TMEM91: variants seen among roughly 807,000 people sequenced by gnomAD.
The protein encoded by TMEM91 is transmembrane protein 91.
A neutral mutation model predicts 13.3 loss-of-function variants in TMEM91; 6 were observed. The observed-to-expected ratio is 0.45, with a 90% CI of 0.25 to 0.89. The LOEUF (loss-of-function observed/expected upper bound fraction) is 0.89. Ranked by LOEUF, TMEM91 falls within the 40% of genes least tolerant of loss-of-function variation. The pLI, the probability that TMEM91 is intolerant of heterozygous loss-of-function variation, is 0.19. For synonymous variants in TMEM91, 87 were observed against 101.7 expected (o/e 0.86, Z 0.87); for missense variants, 193 against 228.7 (o/e 0.84, Z 1.01).
intron 2 of TMEM91, among the ~76,000 whole-genome samples, chr19:41,380,685 C>T (rs1310562172): frequency 2.0e-5 from 3 of 151,626 alleles, no homozygotes; most frequent in African/African-American, 4.8e-5. Flanking sequence ...CTGAGACGGG[C>T]GGATCACGAG....
intron 1 of TMEM91, among the ~76,000 whole-genome samples, chr19:41,366,986 C>G (rs2038538002): frequency 6.6e-6 from 1 of 151,174 alleles, no homozygotes; most frequent in African/African-American, 2.4e-5. Context: ...CTAAAAAATA[C>G]CAAAACTAGA....
chr19:41,384,012 T>C lies in TMEM91; in HGVS notation c.*139T>C. 1.4e-6 allele frequency: 2 copies of C among 1,398,960 alleles called. No individual in the cohort carries two copies. Among genetic ancestry groups the C allele is most frequent in the Non-Finnish European group, 1.9e-6 (2 of 1,062,374 alleles). The allele number at this position is 1,398,960 out of a possible 1,614,324, so 86.7% of individuals were successfully genotyped here. A position where few individuals can be genotyped will look rare whatever the true frequency, so the allele number is the denominator to read the frequency against. ...ACGGGAGCGAGCTGGACTGGAACCC[T>C]TCCCCTTCCTGGCCACCGCTCTTCG... On this transcript the variant is annotated 3_prime_UTR_variant, in exon 4 of 4. Coordinates refer to ENST00000392002, the MANE Select transcript of TMEM91 (RefSeq NM_001098821.2).
At position 41,382,797 on chromosome 19, in the gene TMEM91, C is replaced by T. The variant is rs201168439; in HGVS notation, c.236C>T (p.Ser79Leu). 9.3e-6 allele frequency: 15 copies of T among 1,614,038 alleles called. No homozygotes were observed. Among genetic ancestry groups the T allele is most frequent in the African/African-American group, 8.0e-5 (6 of 75,034 alleles). ...GACATGTCATCCAGTGACAGTGACT[C>T]GGACTGGGATGGAGGCAGCCGTCTT... ...VEDMSSSDSD[S>L]DWDGGSRLSP... Residue 79 changes from serine (S) to leucine (L), a missense_variant, in exon 3 of 4, where the codon TCG (serine) becomes TTG (leucine). Ser to Leu is a moderately radical substitution (Grantham distance 145). Transcript: ENST00000392002.
At chr19:41,369,459 A>T (rs1021300570) in intron 1 of TMEM91, among the ~76,000 whole-genome samples, 1 of 144,890 alleles carries the variant, frequency 6.9e-6, no homozygotes, top group Non-Finnish European at 1.5e-5. Context: ...GTGAGCTATG[A>T]TGGCACCCTG....
rs997617050 is a variant in TMEM91, at chr19:41,371,127, G to A, written c.-30+7032G>A. Among the ~76,000 whole-genome samples the A allele has an allele frequency of 7.3e-4, 110 of 151,310 alleles. 1 individual carries two copies. Among genetic ancestry groups the A allele is most frequent in the African/African-American group, 2.0e-3 (84 of 41,210 alleles). On this transcript the variant is annotated intron_variant, in intron 1 of 3. Coordinates refer to the TMEM91 transcript ENST00000413014. ...AGCAATTATTGTGCCTCAGCCTCCC[G>A]AGTAGCTGGGATTACAGGCATGCAC...
chr19:41,372,166 G>A (rs1371237018), upstream of TMEM91, among the ~76,000 whole-genome samples: 2 of 152,034 alleles, frequency 1.3e-5, no homozygotes, highest in Non-Finnish European at 1.5e-5. Context: ...GGGCAACAGG[G>A]TGAAAACCTG....
intron 1 of TMEM91, among the ~76,000 whole-genome samples, chr19:41,368,076 A>G (rs908960697): frequency 2.6e-5 from 4 of 152,142 alleles, no homozygotes; most frequent in African/African-American, 9.6e-5. Flanking sequence ...AATAATTTAA[A>G]GTTCCAACAG....
intron 1 of TMEM91, among the ~76,000 whole-genome samples, chr19:41,370,488 C>T (rs2038598087): frequency 1.3e-5 from 2 of 151,826 alleles, no homozygotes; most frequent in Non-Finnish European, 2.9e-5. Context: ...CTCACTGCAA[C>T]CTCCGCCTTC....
intron 1 of TMEM91, among the ~76,000 whole-genome samples, chr19:41,370,818 T>C (rs1351472925): frequency 6.6e-6 from 1 of 152,106 alleles, no homozygotes; most frequent in Non-Finnish European, 1.5e-5. Context: ...TTCTCCTGCC[T>C]CAGCCTCCCA....
At position 41,383,864 on chromosome 19, in the gene TMEM91, C is replaced by T. The variant is rs748552617; in HGVS notation, c.510C>T (p.Asp170=). 30 of 1,608,266 alleles carry T rather than the reference C, an allele frequency of 1.9e-5. No individual in the cohort carries two copies. In the South Asian group the frequency reaches 3.2e-4, roughly 17 times the overall value. ...VTLAAYLASR[D]PP Reference sequence around the variant, plus strand: ...TGGCTGCCTACCTTGCCTCCCGAGACCCGCCCTAGTTGCCCCTACAGCCCT... The same window carrying T: ...TGGCTGCCTACCTTGCCTCCCGAGATCCGCCCTAGTTGCCCCTACAGCCCT... The change falls in exon 4 of 4, where the codon GAC becomes GAT. Residue 170 remains aspartate, a synonymous_variant. Transcript: ENST00000392002.
At chr19:41,370,483 T>G (rs1418989127) in intron 1 of TMEM91, among the ~76,000 whole-genome samples, 1 of 151,972 alleles carries the variant, frequency 6.6e-6, no homozygotes, top group East Asian at 1.9e-4. Context: ...GTCAGCTCAC[T>G]GCAACCTCCG....
At chr19:41,383,628 A>T in intron 3 of TMEM91, 87 bp from the exon 4 acceptor site, 1 of 1,614,000 alleles carries the variant, frequency 6.2e-7, no homozygotes, top group Non-Finnish European at 8.5e-7. Context: ...TGAATGAATG[A>T]ATGGGTATGT....
chr19:41,372,665 G>T (rs577996927), upstream of TMEM91, among the ~76,000 whole-genome samples: 2 of 152,168 alleles, frequency 1.3e-5, no homozygotes, highest in African/African-American at 4.8e-5. Flanking sequence ...GAAAACCAAA[G>T]AAATGGTATG....
At chr19:41,370,651 C>T (rs1035218368) in intron 1 of TMEM91, among the ~76,000 whole-genome samples, 6 of 151,636 alleles carry the variant, frequency 4.0e-5, no homozygotes, top group East Asian at 1.9e-4. Context: ...GTGATCCACC[C>T]GCCTCGGCCT....
rs1568489515 is a variant in TMEM91 at position 41,371,373 on chromosome 19, CCTTCCTTCCTTCT to C, written c.-29-6907_-29-6895del. On this transcript the variant is annotated intron_variant, in intron 1 of 3. Transcript: ENST00000413014. ...TCCTTCCTTCCTTCCTTCCTTCTTTCCTTCCTTCCTTCTTTCCTTCCTCCCTCCCTCCCTCCTT... is the reference window on the plus strand; with the variant it reads ...TCCTTCCTTCCTTCCTTCCTTCTTTCTTCCTTCCTCCCTCCCTCCCTCCTT... 6.3e-4 allele frequency among the ~76,000 whole-genome samples: 94 copies of C among 149,466 alleles called. 1 individual carries two copies. The highest frequency in any genetic ancestry group is 3.4e-3 in the Middle Eastern group (1 of 290).
At chr19:41,370,429 CAG>C (rs958402237) in intron 1 of TMEM91, among the ~76,000 whole-genome samples, 1 of 57,922 alleles carries the variant, frequency 1.7e-5, no homozygotes, top group Non-Finnish European at 3.9e-5. Context: ...TTATTTGAGA[CAG>C]AGTCTTGCTC....
At chr19:41,366,741 G>A (rs1599917867) in intron 1 of TMEM91, among the ~76,000 whole-genome samples, 1 of 152,010 alleles carries the variant, frequency 6.6e-6, no homozygotes, top group East Asian at 1.9e-4. Context: ...TTACAGGCAT[G>A]AGCCACTGCT....
At position 41,378,902 on chromosome 19, in the gene TMEM91, G is replaced by C. The variant is rs564177721; in HGVS notation, c.210+383G>C. 8.6e-5 allele frequency among the ~76,000 whole-genome samples: 13 copies of C among 151,966 alleles called. No homozygotes were observed. The East Asian group carries it at 2.3e-3, about 27-fold the overall frequency. On this transcript the variant is annotated intron_variant, in intron 2 of 3. Transcript: ENST00000392002. ...GCTGGAGTGCAGTGGAGCGATCATA[G>C]TTTACTGCAACCTTGACCTCCCGGG...
intron 1 of TMEM91, among the ~76,000 whole-genome samples, chr19:41,366,052 C>CTTTTTTTTTTTTTTTTTTTTTTTTTCT (rs11375696): frequency 2.8e-5 from 3 of 105,834 alleles, no homozygotes; most frequent in Admixed American, 2.1e-4. Flanking sequence ...TATTTATTTA[C>CTTTTTTTTTTTTTTTTTTTTTTTTTCT]TTTTTTTTTT....
Sources: allele counts gnomAD v4.1 joint callset (sites outside exome capture counted in the v4.1 genomes callset), GRCh38; gene constraint gnomAD v4.1.1; transcripts MANE v1.5; gene names NCBI Gene and HGNC (gene_info 2026-07-23, HGNC 2026-07-21).